The following IHH variants were observed in gnomAD, a reference collection of about 807,000 sequenced individuals.
IHH encodes Indian hedgehog signaling molecule.
IHH carries 9 observed loss-of-function variants against 29.4 expected under a neutral mutation model. The observed-to-expected ratio is 0.31, with a 90% CI of 0.18 to 0.53. The LOEUF (loss-of-function observed/expected upper bound fraction) is 0.53, where lower values mean the gene tolerates loss of function less well. IHH is among the 20% of genes least tolerant of loss of function. The pLI is 0.95. For synonymous variants in IHH, 254 were observed against 252.7 expected (o/e 1.01, Z -0.05); for missense variants, 454 against 578.1 (o/e 0.79, Z 2.20).
rs1055816868 is a variant in IHH at position 219,059,142 on chromosome 2, G to T, written c.315+1011C>A. ...CATTCCTCGGCGCCCGGCCCGGCCC[G>T]GCCACCAGCCAACCTTCGGCCCCGA... On this transcript the variant is annotated intron_variant, in intron 1 of 2. Transcript: ENST00000295731. This position sits in a 1 kb window ranked among gnomAD's most constrained non-coding sequence, Gnocchi z 4.7. Among the ~76,000 whole-genome samples, 3 of 152,128 alleles carry T rather than the reference G, an allele frequency of 2.0e-5. No individual in the cohort carries two copies. Among genetic ancestry groups the T allele is most frequent in the African/African-American group, 4.8e-5 (2 of 41,432 alleles).
chr2:219,055,915 C>T, intron 2 of IHH, 50 bp from the exon 3 acceptor site: 1 of 1,562,856 alleles, frequency 6.4e-7, no homozygotes, highest in Non-Finnish European at 8.6e-7. Flanking sequence ...GCTCAGCCTC[C>T]TGGTCACAAC....
In IHH at chr2:219,057,419, C is replaced by CCG; in HGVS notation, c.577+13_577+14insCG. 6.4e-7 allele frequency: 1 copy of CCG among 1,556,334 alleles called. No homozygotes were observed. Among genetic ancestry groups the CCG allele is most frequent in the Non-Finnish European group, 8.7e-7 (1 of 1,150,308 alleles). Reference sequence around the variant, plus strand: ...GGCCCCGGCCCCGGGCCCAGCCCCCCGGCGGCGGCTCACCGGACTTGACGG... The same window carrying CCG: ...GGCCCCGGCCCCGGGCCCAGCCCCCCCGGGCGGCGGCTCACCGGACTTGACGG... On this transcript the variant is annotated intron_variant, in intron 2 of 2. Coordinates refer to ENST00000295731, the MANE Select transcript of IHH (RefSeq NM_002181.4).
Position 219,060,483 on chromosome 2 carries a change from G to C in IHH, c.-16C>G. ...CGGGAGACATGGCCGGGGAGCCCGG[G>C]GGAGCGGCGGGCGAGGTCTCCTGGT... On this transcript the variant is annotated 5_prime_UTR_variant, in exon 1 of 3. Transcript: ENST00000295731. This position sits in a 1 kb window ranked among gnomAD's most constrained non-coding sequence, Gnocchi z 8.8. 2 of 1,447,094 alleles carry C rather than the reference G, an allele frequency of 1.4e-6. No individual in the cohort carries two copies. The highest frequency in any genetic ancestry group is 9.0e-7 in the Non-Finnish European group (1 of 1,105,996). 89.6% of individuals were successfully genotyped at this position (1,447,094 alleles called of 1,614,324 possible). A position where few individuals can be genotyped will look rare whatever the true frequency, so the allele number is the denominator to read the frequency against.
rs899607235 is a variant in IHH, at chr2:219,059,323, G to A, written c.315+830C>T. 2.0e-5 allele frequency among the ~76,000 whole-genome samples: 3 copies of A among 152,222 alleles called. No homozygotes were observed. Among genetic ancestry groups the A allele is most frequent in the Non-Finnish European group, 2.9e-5 (2 of 68,030 alleles). On this transcript the variant is annotated intron_variant, in intron 1 of 2. Transcript: ENST00000295731. The surrounding 1 kb of genome is among the most constrained non-coding windows in gnomAD (Gnocchi z 4.7). ...TGAAGGTCTCTCCCCTCGCGGACCTGGCTGCTGGGAAGGAATTTGCGCCTC... is the reference window on the plus strand; with the variant it reads ...TGAAGGTCTCTCCCCTCGCGGACCTAGCTGCTGGGAAGGAATTTGCGCCTC...
In IHH at chr2:219,060,066, G is replaced by A. The variant is rs887315830; in HGVS notation, c.315+87C>T. 14 of 1,204,724 alleles carry A rather than the reference G, an allele frequency of 1.2e-5. No individual in the cohort carries two copies. The Admixed American group carries it at 1.4e-4, about 12-fold the overall frequency. The allele number at this position is 1,204,724 out of a possible 1,614,324, so 74.6% of individuals were successfully genotyped here. Reference sequence around the variant, plus strand: ...CAGGTGCCAGGGAGCGTGCCAGCCAGTCGAGAAAATGTGCCAGGGGGTGGG... The same window carrying A: ...CAGGTGCCAGGGAGCGTGCCAGCCAATCGAGAAAATGTGCCAGGGGGTGGG... On this transcript the variant is annotated intron_variant, in intron 1 of 2. Coordinates refer to ENST00000295731, the MANE Select transcript of IHH (RefSeq NM_002181.4). The surrounding 1 kb of genome is among the most constrained non-coding windows in gnomAD (Gnocchi z 8.8).
chr2:219,058,490 C>A (rs1283256804), intron 1 of IHH, among the ~76,000 whole-genome samples: 1 of 152,196 alleles, frequency 6.6e-6, no homozygotes, highest in Non-Finnish European at 1.5e-5. Flanking sequence ...GACCTCTGCA[C>A]CGGTGCCCCG....
At chr2:219,057,385 A>G in intron 2 of IHH, 48 bp downstream of exon 2, 1 of 1,548,418 alleles carries the variant, frequency 6.5e-7, no homozygotes. Flanking sequence ...CCTCCTGCCC[A>G]TGCCCTGCGG....
chr2:219,054,963 C>T lies in IHH; in HGVS notation c.*244G>A. On this transcript the variant is annotated 3_prime_UTR_variant, in exon 3 of 3. Coordinates refer to ENST00000295731, the MANE Select transcript of IHH (RefSeq NM_002181.4). Reference sequence around the variant, plus strand: ...AGTCGCCGTGCCAGCCTCAAGGTCTCTAGGAGAGAGGGGTCAACAACCATC... The same window carrying T: ...AGTCGCCGTGCCAGCCTCAAGGTCTTTAGGAGAGAGGGGTCAACAACCATC... 1 of 572,664 alleles carries T rather than the reference C, an allele frequency of 1.7e-6. No individual in the cohort carries two copies. Among genetic ancestry groups the T allele is most frequent in the South Asian group, 2.1e-5 (1 of 48,430 alleles). The allele number at this position is 572,664 out of a possible 1,614,324, so 35.5% of individuals were successfully genotyped here.
intron 1 of IHH, among the ~76,000 whole-genome samples, chr2:219,058,431 C>T (rs867409130): frequency 6.6e-6 from 1 of 152,342 alleles, no homozygotes; most frequent in Non-Finnish European, 1.5e-5. Context: ...CCACATGCAA[C>T]GTCTTCCTCT....
intron 2 of IHH, among the ~76,000 whole-genome samples, chr2:219,056,970 C>T (rs749706425): frequency 6.6e-6 from 1 of 152,244 alleles, no homozygotes; most frequent in Non-Finnish European, 1.5e-5. Flanking sequence ...ACGCCTGCGC[C>T]CCAGGGAGGG....
chr2:219,055,570 C>T lies in IHH; in HGVS notation c.873G>A (p.Arg291=), dbSNP rs149554120. The T allele has an allele frequency of 2.5e-3, 3,960 of 1,613,074 alleles. 10 individuals are homozygous for T. Among genetic ancestry groups the T allele is most frequent in the Middle Eastern group, 5.6e-3 (34 of 6,048 alleles). The change falls in exon 3 of 3, where the codon CGG becomes CGA. Residue 291 remains arginine, a synonymous_variant. Transcript: ENST00000295731. ...DNHTEPAARF[R]ATFASHVQPG... Reference sequence around the variant, plus strand: ...GCTGCACGTGGCTGGCAAATGTGGCCCGGAAGCGGGCTGCCGGCTCCGTGT... The same window carrying T: ...GCTGCACGTGGCTGGCAAATGTGGCTCGGAAGCGGGCTGCCGGCTCCGTGT...
chr2:219,057,545 T>C lies in IHH; in HGVS notation c.465A>G (p.Thr155=), dbSNP rs1213387078. The change falls in exon 2 of 3, where the codon ACA becomes ACG. Residue 155 remains threonine, a synonymous_variant. Transcript: ENST00000295731. ...CATACTTATTGCGGTCGCGGTCTGATGTGGTGATGTCCACCGCGCGGCCCT... is the reference window on the plus strand; with the variant it reads ...CATACTTATTGCGGTCGCGGTCTGACGTGGTGATGTCCACCGCGCGGCCCT... ...HYEGRAVDIT[T]SDRDRNKYGL... is the part of the protein sequence containing the mutation. 1 of 1,613,936 alleles carries C rather than the reference T, an allele frequency of 6.2e-7. No individual in the cohort carries two copies. Among genetic ancestry groups the C allele is most frequent in the African/African-American group, 1.3e-5 (1 of 74,926 alleles).
In IHH at chr2:219,060,144, C is replaced by T. The variant is rs776967765; in HGVS notation, c.315+9G>A. 2 of 1,599,328 alleles carry T rather than the reference C, an allele frequency of 1.3e-6. No individual in the cohort carries two copies. Among genetic ancestry groups the T allele is most frequent in the Admixed American group, 3.4e-5 (2 of 59,208 alleles). On this transcript the variant is annotated intron_variant, in intron 1 of 2. Transcript: ENST00000295731. The surrounding 1 kb of genome is among the most constrained non-coding windows in gnomAD (Gnocchi z 8.8). The stretch of plus-strand genomic sequence containing the variant: ...GTGGCGGCGCGCTGGTAGGGCGGAT[C>T]GCGCTCACCTGGGTCATGAGGCGGT...
In IHH at chr2:219,057,656, C is replaced by A. The variant is rs755851051; in HGVS notation, c.354G>T (p.Val118=). ...GCTTCACACCGGGCCACTGGTTCATCACCGAGATAGCCAGCGAGTTCAGGC... is the reference window on the plus strand; with the variant it reads ...GCTTCACACCGGGCCACTGGTTCATAACCGAGATAGCCAGCGAGTTCAGGC... The part of the protein sequence containing the change: ...KDRLNSLAIS[V]MNQWPGVKLR... Residue 118 remains valine, a synonymous_variant, in exon 2 of 3, where the codon GTG becomes GTT. Coordinates refer to ENST00000295731, the MANE Select transcript of IHH (RefSeq NM_002181.4). 6.2e-7 allele frequency: 1 copy of A among 1,611,172 alleles called. No homozygotes were observed. The highest frequency in any genetic ancestry group is 8.5e-7 in the Non-Finnish European group (1 of 1,180,028).
chr2:219,060,340 T>C lies in IHH; in HGVS notation c.128A>G (p.Lys43Arg), dbSNP rs746341121. The change falls in exon 1 of 3, where the codon AAA (lysine) becomes AGA (arginine). Residue 43 changes from lysine (K) to arginine (R), a missense_variant. This residue lies in a region of IHH where 113 missense variants were observed against 122.1 expected (regional missense o/e 0.93). Transcript: ENST00000295731. This position sits in a 1 kb window ranked among gnomAD's most constrained non-coding sequence, Gnocchi z 8.8. ...CTGCTTGTAGGCGAGCGGCACGAGT[T>C]TGCGTGGCGGTCGCCGGCGGCTGCC... ...VVGSRRRPPR[K>R]LVPLAYKQFS... 15 of 1,609,500 alleles carry C rather than the reference T, an allele frequency of 9.3e-6. No individual in the cohort carries two copies. The highest frequency in any genetic ancestry group is 1.6e-4 in the Middle Eastern group (1 of 6,082).
chr2:219,055,624 G>C lies in IHH; in HGVS notation c.819C>G (p.Pro273=), dbSNP rs61747697. 6.2e-7 allele frequency: 1 copy of C among 1,614,026 alleles called. No individual in the cohort carries two copies. Residue 273 remains proline, a synonymous_variant, in exon 3 of 3, where the codon CCC becomes CCG. Coordinates refer to ENST00000295731, the MANE Select transcript of IHH (RefSeq NM_002181.4). ...QDPPRRLALT[P]AHLLFTADNH... Reference sequence around the variant, plus strand: ...TGTCAGCCGTAAAGAGCAGGTGAGCGGGTGTGAGTGCCAGGCGGCGTGGGG... The same window carrying C: ...TGTCAGCCGTAAAGAGCAGGTGAGCCGGTGTGAGTGCCAGGCGGCGTGGGG...
At chr2:219,057,393 CG>C in intron 2 of IHH, 39 bp downstream of exon 2, 1 of 1,548,992 alleles carries the variant, frequency 6.5e-7, no homozygotes, top group South Asian at 1.2e-5. Flanking sequence ...CCATGCCCTG[CG>C]GCCCCGGCCC....
Position 219,057,498 on chromosome 2 carries a change from A to G in IHH, c.512T>C (p.Val171Ala). The change falls in exon 2 of 3, where the codon GTG becomes GCG. Residue 171 changes from valine (V) to alanine (A), a missense_variant. Physicochemically the swap from Val to Ala is moderately conservative, Grantham distance 64. This residue lies in a region of IHH where 70 missense variants were observed against 140.1 expected (regional missense o/e 0.50). Transcript: ENST00000295731. ...ATACACCCAGTCAAAGCCGGCCTCCACTGCCAAGCGCGCCAGCAGTCCATA... is the reference window on the plus strand; with the variant it reads ...ATACACCCAGTCAAAGCCGGCCTCCGCTGCCAAGCGCGCCAGCAGTCCATA... ...NKYGLLARLA[V>A]EAGFDWVYYE... is the part of the protein sequence containing the mutation. 4.3e-6 allele frequency: 7 copies of G among 1,613,364 alleles called. No individual in the cohort carries two copies. Among genetic ancestry groups the G allele is most frequent in the Non-Finnish European group, 5.1e-6 (6 of 1,179,776 alleles).
intron 1 of IHH, among the ~76,000 whole-genome samples, chr2:219,057,962 C>T (rs1948845619): frequency 1.3e-5 from 2 of 152,256 alleles, no homozygotes; most frequent in Non-Finnish European, 2.9e-5. Flanking sequence ...GCGGCGCCTT[C>T]ACTGGTAGGT....
Sources: gnomAD v4.1 joint callset for allele counts (sites outside exome capture counted in the v4.1 genomes callset) on GRCh38, gnomAD v4.1.1 for gene constraint, gnomAD v4.1.1 regional missense constraint, Gnocchi (gnomAD v3.1) non-coding constraint, MANE v1.5 for transcripts, NCBI Gene and HGNC (gene_info 2026-07-23, HGNC 2026-07-21) for gene names.